The following NDST4 variants were observed in gnomAD, a reference collection of about 807,000 sequenced individuals.
NDST4 encodes N-heparan sulfate sulfotransferase 4.
In NDST4, 63 loss-of-function variants were observed where a neutral mutation model predicts 100.8. That is an observed-to-expected ratio of 0.62 (90% confidence interval 0.51 to 0.77). NDST4 has a LOEUF of 0.77. Ranked by LOEUF, NDST4 falls within the 30% of genes least tolerant of loss-of-function variation. The pLI, the probability that NDST4 is intolerant of heterozygous loss-of-function variation, is 0.00. For missense variants in NDST4, 943 were observed against 1,018.4 expected, an observed-to-expected ratio of 0.93 and a Z score of 1.01; for synonymous variants, 377 against 361.8, an observed-to-expected ratio of 1.04 and a Z score of -0.48.
At chr4:115,109,757 A>G (rs1729907738) in intron 1 of NDST4, among the ~76,000 whole-genome samples, 1 of 151,996 alleles carries the variant, frequency 6.6e-6, no homozygotes, top group Non-Finnish European at 1.5e-5. Context: ...AAAATAGCCT[A>G]TGTATGTAAA....
intron 1 of NDST4, among the ~76,000 whole-genome samples, chr4:115,099,063 T>C (rs1441260704): frequency 6.6e-6 from 1 of 152,196 alleles, no homozygotes; most frequent in Admixed American, 6.5e-5. Context: ...GGATAGCCTT[T>C]TCAATAAACC....
intron 4 of NDST4, among the ~76,000 whole-genome samples, chr4:114,963,557 C>A (rs12511884): frequency 0.45 from 67,886 of 151,898 alleles, 16,745 homozygotes; most frequent in Non-Finnish European, 0.58. Context: ...TTACACTTTA[C>A]GTGGGTGAAC....
At chr4:114,892,737 T>G (rs1324180952) in intron 6 of NDST4, among the ~76,000 whole-genome samples, 5 of 152,044 alleles carry the variant, frequency 3.3e-5, no homozygotes, top group Admixed American at 6.6e-5. Flanking sequence ...TCTTTTTTTT[T>G]TGTGGGGGTG....
At chr4:115,017,291 C>G (rs1443208321) in intron 2 of NDST4, among the ~76,000 whole-genome samples, 1 of 151,990 alleles carries the variant, frequency 6.6e-6, no homozygotes, top group Non-Finnish European at 1.5e-5. Context: ...GCTAAGGATT[C>G]TCTTTAATTA....
chr4:115,047,629 TA>T (rs1037261828), intron 2 of NDST4, among the ~76,000 whole-genome samples: 1 of 152,166 alleles, frequency 6.6e-6, no homozygotes, highest in Non-Finnish European at 1.5e-5. Context: ...AAATATTTTT[TA>T]ATTTAATAAT....
In NDST4 at chr4:115,078,138, G is replaced by A. The variant is rs138659752; in HGVS notation, c.-246-856C>T. On this transcript the variant is annotated intron_variant, in intron 1 of 13. Coordinates refer to ENST00000264363, the MANE Select transcript of NDST4 (RefSeq NM_022569.3). ...TGTATTGCTCTAAAAAAACACCTGA[G>A]ACTGGAAAATTTATAAAGAAAAAAA... 9.1e-4 allele frequency among the ~76,000 whole-genome samples: 139 copies of A among 152,222 alleles called. No homozygotes were observed. The East Asian group carries it at 0.022, about 24-fold the overall frequency.
intron 4 of NDST4, among the ~76,000 whole-genome samples, chr4:114,954,540 G>A (rs921159446): frequency 6.6e-6 from 1 of 152,080 alleles, no homozygotes; most frequent in Non-Finnish European, 1.5e-5. Flanking sequence ...TAGAAGATAA[G>A]TAACTTACTT....
intron 2 of NDST4, among the ~76,000 whole-genome samples, chr4:115,036,861 C>T (rs1728243987): frequency 6.6e-6 from 1 of 151,904 alleles, no homozygotes; most frequent in Non-Finnish European, 1.5e-5. Flanking sequence ...TATATAATAT[C>T]CTTCAAACTT....
intron 1 of NDST4, among the ~76,000 whole-genome samples, chr4:115,106,085 A>G (rs937840616): frequency 1.3e-5 from 2 of 152,098 alleles, no homozygotes; most frequent in East Asian, 1.9e-4. Context: ...CAATTACATC[A>G]TAAGGTAATA....
intron 4 of NDST4, among the ~76,000 whole-genome samples, chr4:114,966,292 ATG>A (rs1205220365): frequency 6.6e-6 from 1 of 151,946 alleles, no homozygotes; most frequent in African/African-American, 2.4e-5. Context: ...CACATGGCAT[ATG>A]TGTGTGTGTA....
At chr4:114,936,876 T>C (rs1333537142) in intron 5 of NDST4, among the ~76,000 whole-genome samples, 1 of 152,208 alleles carries the variant, frequency 6.6e-6, no homozygotes, top group African/African-American at 2.4e-5. Flanking sequence ...TAAATTTAAC[T>C]CTCAGATGCT....
chr4:115,100,893 G>A (rs994936389), intron 1 of NDST4, among the ~76,000 whole-genome samples: 5 of 151,122 alleles, frequency 3.3e-5, no homozygotes. Flanking sequence ...AAAGCAAGAT[G>A]CCCTTATCTT....
chr4:114,879,177 C>T (rs1487217575), intron 6 of NDST4, among the ~76,000 whole-genome samples: 1 of 152,068 alleles, frequency 6.6e-6, no homozygotes, highest in Non-Finnish European at 1.5e-5. Flanking sequence ...GTGATGAGTA[C>T]ATTTAAAATC....
intron 3 of NDST4, among the ~76,000 whole-genome samples, chr4:114,976,039 G>A (rs1726626911): frequency 6.6e-6 from 1 of 151,754 alleles, no homozygotes; most frequent in Non-Finnish European, 1.5e-5. Context: ...ATTACTTTAA[G>A]CAGGTTTACA....
intron 4 of NDST4, among the ~76,000 whole-genome samples, chr4:114,967,910 C>T (rs1726420580): frequency 6.6e-6 from 1 of 152,100 alleles, no homozygotes; most frequent in Non-Finnish European, 1.5e-5. Flanking sequence ...GCTCTAAGCA[C>T]ATTATGTATA....
chr4:114,838,737 A>G (rs1442372821), intron 11 of NDST4, among the ~76,000 whole-genome samples: 1 of 151,712 alleles, frequency 6.6e-6, no homozygotes, highest in African/African-American at 2.4e-5. Context: ...TGATGGGTGG[A>G]GCGAACCACC....
intron 1 of NDST4, among the ~76,000 whole-genome samples, chr4:115,111,478 T>C (rs910474878): frequency 2.6e-5 from 4 of 151,626 alleles, no homozygotes; most frequent in Admixed American, 6.6e-5. Context: ...TACTTCCTTT[T>C]GATGTTTAGG....
chr4:114,850,294 C>T (rs6825790), intron 8 of NDST4, among the ~76,000 whole-genome samples: 5 of 151,980 alleles, frequency 3.3e-5, no homozygotes, highest in Non-Finnish European at 7.4e-5. Flanking sequence ...AATCGTACCC[C>T]GATCTCCCCT....
At chr4:115,019,594 C>T (rs572209216) in intron 2 of NDST4, among the ~76,000 whole-genome samples, 4 of 152,192 alleles carry the variant, frequency 2.6e-5, no homozygotes, top group Non-Finnish European at 4.4e-5. Context: ...CTTATGAAGT[C>T]GTCGGGGCAT....
Sources: allele counts gnomAD v4.1 joint callset (sites outside exome capture counted in the v4.1 genomes callset), GRCh38; gene constraint gnomAD v4.1.1; transcripts MANE v1.5; gene names NCBI Gene and HGNC (gene_info 2026-07-23, HGNC 2026-07-21).